PDE1A: variants seen among roughly 807,000 people sequenced by gnomAD.
PDE1A encodes phosphodiesterase 1A.
Under a neutral mutation model 61.7 loss-of-function variants are expected in PDE1A, and 35 were observed. The ratio of observed to expected loss-of-function variants is 0.57; its 90% CI spans 0.43 to 0.75. The LOEUF is 0.75. PDE1A is among the 30% of genes least tolerant of loss of function. PDE1A has a pLI of 0.00. For synonymous variants in PDE1A, 232 were observed against 213.2 expected (o/e 1.09, Z -0.77); for missense variants, 597 against 630.6 (o/e 0.95, Z 0.57).
chr2:182,643,001 A>G, the PDE1A span, among the ~76,000 whole-genome samples: 10 of 152,186 alleles, frequency 6.6e-5, no homozygotes, highest in Non-Finnish European at 1.3e-4. Flanking sequence ...ATCAGAGGTT[A>G]CAAGGAGACC....
chr2:182,617,739 T>C, the PDE1A span, among the ~76,000 whole-genome samples: 141,996 of 152,218 alleles, frequency 0.93, 67,016 homozygotes, highest in East Asian at 1. Flanking sequence ...GCCTTTGCAT[T>C]GGCTTCTTCC....
upstream of PDE1A, among the ~76,000 whole-genome samples, chr2:182,528,154 G>A (rs1421893859): frequency 6.6e-6 from 1 of 152,150 alleles, no homozygotes; most frequent in Non-Finnish European, 1.5e-5. Flanking sequence ...GAAGAAGACA[G>A]GAAAAGGTGG....
At chr2:182,288,131 A>G (rs1694288319) in intron 1 of PDE1A, among the ~76,000 whole-genome samples, 1 of 152,184 alleles carries the variant, frequency 6.6e-6, no homozygotes, top group African/African-American at 2.4e-5. Context: ...CAAATGTGGA[A>G]TGAAGACTTC....
intron 1 of PDE1A, among the ~76,000 whole-genome samples, chr2:182,323,616 G>C (rs907824110): frequency 6.6e-6 from 1 of 152,206 alleles, no homozygotes. Context: ...TTAAGTGCCT[G>C]TCGGAGGAGC....
chr2:182,399,024 G>A lies in PDE1A; in HGVS notation c.53+27554C>T, dbSNP rs75346345. Among the ~76,000 whole-genome samples the A allele has an allele frequency of 9.7e-4, 148 of 151,992 alleles. 3 individuals carry two copies. In the East Asian group the frequency reaches 0.026, roughly 27 times the overall value. On this transcript the variant is annotated intron_variant, in intron 1 of 13. Coordinates refer to ENST00000351439, the Ensembl canonical transcript of PDE1A. ...TACCTATTGAACTATCCTACTAAAT[G>A]ACATTTTGATGACCGTCAAGGATGA...
At chr2:182,297,303 C>T (rs994883547) in intron 1 of PDE1A, among the ~76,000 whole-genome samples, 13 of 151,714 alleles carry the variant, frequency 8.6e-5, no homozygotes, top group Non-Finnish European at 1.9e-4. Context: ...AAAAATCCTA[C>T]TAACCCTCTT....
chr2:182,292,253 A>G (rs1694586721), intron 1 of PDE1A, among the ~76,000 whole-genome samples: 1 of 152,004 alleles, frequency 6.6e-6, no homozygotes, highest in Admixed American at 6.6e-5. Context: ...ATTTTGGAGA[A>G]ATTTATTTTT....
intron 2 of PDE1A, among the ~76,000 whole-genome samples, chr2:182,248,728 G>A (rs1691175479): frequency 2.0e-5 from 3 of 152,270 alleles, no homozygotes; most frequent in Admixed American, 1.3e-4. Flanking sequence ...ATGTACTGAT[G>A]TGGTTATTTC....
intron 2 of PDE1A, among the ~76,000 whole-genome samples, chr2:182,498,950 A>G (rs367800529): frequency 1.3e-5 from 2 of 151,740 alleles, no homozygotes; most frequent in Admixed American, 1.3e-4. Context: ...CTCAAAATAA[A>G]AAAATAAAAA....
the PDE1A span, among the ~76,000 whole-genome samples, chr2:182,623,988 A>G: frequency 1.3e-5 from 2 of 151,560 alleles, no homozygotes; most frequent in East Asian, 1.9e-4. Context: ...AGCCGGGCGT[A>G]GTGGCGGGCG....
the PDE1A span, among the ~76,000 whole-genome samples, chr2:182,583,403 T>A: frequency 2.6e-5 from 4 of 152,220 alleles, no homozygotes; most frequent in Non-Finnish European, 5.9e-5. Flanking sequence ...TTTCTTCAAC[T>A]GCAGACGTAA....
the PDE1A span, among the ~76,000 whole-genome samples, chr2:182,558,609 C>A: frequency 6.6e-6 from 1 of 152,082 alleles, no homozygotes; most frequent in Non-Finnish European, 1.5e-5. Flanking sequence ...TAGTCAACTG[C>A]AATTTTAAAA....
intron 6 of PDE1A, among the ~76,000 whole-genome samples, chr2:182,227,416 C>A (rs1689229119): frequency 6.6e-6 from 1 of 151,912 alleles, no homozygotes; most frequent in African/African-American, 2.4e-5. Context: ...TTCTTGATTC[C>A]TTGTGTATCT....
intron 2 of PDE1A, among the ~76,000 whole-genome samples, chr2:182,463,110 A>T (rs148806365): frequency 0.012 from 1,875 of 152,058 alleles, 25 homozygotes; most frequent in South Asian, 0.041. Context: ...GCGTGATGGC[A>T]TGCACCTGTA....
chr2:182,396,994 C>T (rs1040275691), intron 1 of PDE1A, among the ~76,000 whole-genome samples: 3 of 151,996 alleles, frequency 2.0e-5, no homozygotes, highest in African/African-American at 7.2e-5. Flanking sequence ...GTGGGTATTT[C>T]CCTTTTAAGT....
chr2:182,267,064 T>C (rs1428506585), intron 1 of PDE1A, among the ~76,000 whole-genome samples: 2 of 152,140 alleles, frequency 1.3e-5, no homozygotes, highest in East Asian at 3.9e-4. Flanking sequence ...AAATCTTCAT[T>C]ATCAAATGAG....
chr2:182,629,863 A>G, the PDE1A span, among the ~76,000 whole-genome samples: 1 of 152,212 alleles, frequency 6.6e-6, no homozygotes, highest in African/African-American at 2.4e-5. Context: ...TTTGTTAGAA[A>G]TATCTGAAAC....
At chr2:182,347,938 T>C (rs1329546901) in intron 1 of PDE1A, among the ~76,000 whole-genome samples, 3 of 152,128 alleles carry the variant, frequency 2.0e-5, no homozygotes, top group Non-Finnish European at 4.4e-5. Flanking sequence ...TAGTACAGCG[T>C]TTTCTTTGAA....
Position 182,241,135 on chromosome 2 carries a change from A to T in PDE1A, c.168-843T>A, listed in dbSNP as rs931031910. 3.3e-5 allele frequency among the ~76,000 whole-genome samples: 5 copies of T among 152,194 alleles called. No homozygotes were observed. In the South Asian group the frequency reaches 8.3e-4, roughly 25 times the overall value. On this transcript the variant is annotated intron_variant, in intron 2 of 13. Transcript: ENST00000351439. ...AAGAGGAAACTAAGGAAACATCGTT[A>T]TTTTAAGGCCAGTCAGCTTCGGCAG...
Sources: allele counts gnomAD v4.1 joint callset (sites outside exome capture counted in the v4.1 genomes callset), GRCh38; gene constraint gnomAD v4.1.1; transcripts MANE v1.5; gene names NCBI Gene and HGNC (gene_info 2026-07-23, HGNC 2026-07-21).